Variants in PARVB observed in about 807,000 individuals in gnomAD.
The protein encoded by PARVB is beta-parvin.
A neutral mutation model predicts 47.0 loss-of-function variants in PARVB; 46 were observed. The ratio of observed to expected loss-of-function variants is 0.98; its 90% CI spans 0.77 to 1.25. The LOEUF is 1.25. Among genes scored for constraint, PARVB ranks in the 50% most tolerant of loss-of-function variants. The pLI is 0.00. For synonymous variants in PARVB, 196 were observed against 196.3 expected, an observed-to-expected ratio of 1.00 and a Z score of 0.01; for missense variants, 473 against 471.6, an observed-to-expected ratio of 1.00 and a Z score of -0.03.
chr22:44,122,280 G>A (rs866532942), intron 4 of PARVB, among the ~76,000 whole-genome samples: 5 of 151,996 alleles, frequency 3.3e-5, no homozygotes, highest in African/African-American at 1.2e-4. Context: ...CACTTGAGCC[G>A]AAGAGTTTGA....
intron 2 of PARVB, among the ~76,000 whole-genome samples, chr22:44,002,853 C>T (rs541896736): frequency 2.6e-5 from 4 of 152,216 alleles, no homozygotes; most frequent in African/African-American, 4.8e-5. Context: ...ACACACGTCT[C>T]GGTGCCAGAG....
rs1465148274 is a variant in PARVB at position 44,089,758 on chromosome 22, G to T, written c.113-4170G>T. The stretch of plus-strand genomic sequence containing the variant: ...CTGTGTCCATAAGGGAACCCAGGCT[G>T]CAAAATATAGCAAGGCCCAGAAGGG... On this transcript the variant is annotated intron_variant, in intron 1 of 12. Transcript: ENST00000338758. This position sits in a 1 kb window ranked among gnomAD's most constrained non-coding sequence, Gnocchi z 4.0. Among the ~76,000 whole-genome samples the T allele has an allele frequency of 6.6e-6, 1 of 152,196 alleles. No homozygotes were observed. Among genetic ancestry groups the T allele is most frequent in the Non-Finnish European group, 1.5e-5 (1 of 68,032 alleles).
intron 12 of PARVB, among the ~76,000 whole-genome samples, chr22:44,165,981 G>T (rs1373462514): frequency 1.3e-5 from 2 of 152,202 alleles, no homozygotes; most frequent in African/African-American, 4.8e-5. Context: ...GCTTCCTTTA[G>T]TTTCCTGTAG....
At chr22:44,132,267 T>G (rs2053344574) in intron 5 of PARVB, among the ~76,000 whole-genome samples, 1 of 152,140 alleles carries the variant, frequency 6.6e-6, no homozygotes, top group Admixed American at 6.5e-5. Context: ...TTTCTTGGTA[T>G]CGAGACCTTG....
intron 1 of PARVB, among the ~76,000 whole-genome samples, chr22:44,062,596 C>T (rs1337329959): frequency 6.6e-6 from 1 of 151,592 alleles, no homozygotes; most frequent in African/African-American, 2.4e-5. Context: ...GAGATCGCAC[C>T]ACTGCACTCC....
chr22:44,151,431 G>A (rs2053805553), intron 9 of PARVB, 52 bp from the exon 10 acceptor site: 1 of 1,373,410 alleles, frequency 7.3e-7, no homozygotes, highest in Admixed American at 1.7e-5. Flanking sequence ...CCTCCAGATG[G>A]GACCTGCATG....
At chr22:44,111,501 G>A (rs1471352531) in intron 3 of PARVB, 1 of 120,028 alleles carries the variant, frequency 8.3e-6, no homozygotes, top group East Asian at 2.6e-4. Flanking sequence ...CCAGGCTGGA[G>A]TGCAGTGTCA....
At chr22:44,069,291 C>A in intron 1 of PARVB, 1 of 832,060 alleles carries the variant, frequency 1.2e-6, no homozygotes, top group South Asian at 1.5e-5. Flanking sequence ...TGACTTTTCC[C>A]AGGAAGGTGA....
rs2053915304 is a variant in PARVB, at chr22:44,155,626, G to A, written c.844-2356G>A. Among the ~76,000 whole-genome samples, 1 of 152,188 alleles carries A rather than the reference G, an allele frequency of 6.6e-6. No homozygotes were observed. The highest frequency in any genetic ancestry group is 2.1e-4 in the South Asian group (1 of 4,828). The stretch of plus-strand genomic sequence containing the variant: ...TTCACGTGGCAGCTTCCATTCCCTG[G>A]AAGTTAGTCCATGGAGACGTGGGCA... On this transcript the variant is annotated intron_variant, in intron 10 of 12. Coordinates refer to ENST00000338758, the MANE Select transcript of PARVB (RefSeq NM_013327.5). The surrounding 1 kb of genome is among the most constrained non-coding windows in gnomAD (Gnocchi z 4.8).
At chr22:44,044,759 T>A (rs1188414917) in intron 1 of PARVB, among the ~76,000 whole-genome samples, 3 of 152,230 alleles carry the variant, frequency 2.0e-5, no homozygotes, top group Non-Finnish European at 2.9e-5. Context: ...GTGCTGGGAT[T>A]ACAGGCATGA....
chr22:44,032,465 A>C (rs2050842609), intron 1 of PARVB, among the ~76,000 whole-genome samples: 1 of 152,034 alleles, frequency 6.6e-6, no homozygotes, highest in African/African-American at 2.4e-5. Flanking sequence ...GGCAGATCCC[A>C]GCTCTGCGTT....
chr22:44,028,304 AT>A lies in PARVB; in HGVS notation c.112+3860del, dbSNP rs35072055. Reference sequence around the variant, plus strand: ...CCCAAATCCCTGGCAACCACGGATCATTTTTTTGTTTTGTTTTTTTGGTTTT... The same window carrying A: ...CCCAAATCCCTGGCAACCACGGATCATTTTTTGTTTTGTTTTTTTGGTTTT... On this transcript the variant is annotated intron_variant, in intron 1 of 12. Coordinates refer to ENST00000338758, the MANE Select transcript of PARVB (RefSeq NM_013327.5). 2.6e-3 allele frequency among the ~76,000 whole-genome samples: 315 copies of A among 123,510 alleles called. 2 individuals carry two copies. The highest frequency in any genetic ancestry group is 7.6e-3 in the African/African-American group (259 of 33,872). 81.0% of individuals were successfully genotyped at this position (123,510 alleles called of 152,430 possible).
At chr22:44,097,971 G>C (rs190564444) in intron 2 of PARVB, among the ~76,000 whole-genome samples, 447 of 152,264 alleles carry the variant, frequency 2.9e-3, no homozygotes, top group Non-Finnish European at 4.0e-3. Context: ...AGCCACCATG[G>C]CATGCTGCCC....
At chr22:44,042,457 T>C (rs1473841649) in intron 1 of PARVB, among the ~76,000 whole-genome samples, 2 of 152,112 alleles carry the variant, frequency 1.3e-5, no homozygotes, top group African/African-American at 2.4e-5. Context: ...GAGGCTCATC[T>C]CCCCAGTAAG....
intron 1 of PARVB, among the ~76,000 whole-genome samples, chr22:44,083,181 C>G (rs2051946870): frequency 6.6e-6 from 1 of 152,180 alleles, no homozygotes; most frequent in Non-Finnish European, 1.5e-5. Context: ...TTTTTCCACC[C>G]AATTAAGTGG....
At chr22:44,041,944 G>A (rs1203189711) in intron 1 of PARVB, among the ~76,000 whole-genome samples, 1 of 151,940 alleles carries the variant, frequency 6.6e-6, no homozygotes, top group East Asian at 1.9e-4. Flanking sequence ...ATAGGTGTCA[G>A]CCTTTGTTCT....
At chr22:44,066,241 C>A (rs1326045391) in intron 1 of PARVB, among the ~76,000 whole-genome samples, 3 of 152,124 alleles carry the variant, frequency 2.0e-5, no homozygotes, top group Non-Finnish European at 4.4e-5. Flanking sequence ...TTAGTGATGG[C>A]CAGTGAAGGG....
At chr22:44,023,057 A>G (rs953531808), upstream of PARVB, among the ~76,000 whole-genome samples, 6 of 151,756 alleles carry the variant, frequency 4.0e-5, no homozygotes, top group African/African-American at 9.7e-5. Flanking sequence ...TACTCCTCCT[A>G]CTTCTTCAAG....
At chr22:44,154,152 A>G (rs1462917372) in intron 10 of PARVB, among the ~76,000 whole-genome samples, 1 of 152,212 alleles carries the variant, frequency 6.6e-6, no homozygotes, top group African/African-American at 2.4e-5. Flanking sequence ...AGCCTCTTAC[A>G]TTGAGACTCT....
Sources: allele counts gnomAD v4.1 joint callset (sites outside exome capture counted in the v4.1 genomes callset), GRCh38; gene constraint gnomAD v4.1.1; non-coding constraint Gnocchi (gnomAD v3.1); transcripts MANE v1.5; gene names NCBI Gene and HGNC (gene_info 2026-07-23, HGNC 2026-07-21).